Variants in MLLT10 observed in about 807,000 individuals in gnomAD.
The protein encoded by MLLT10 is MLLT10 histone lysine methyltransferase DOT1L cofactor.
MLLT10 carries 30 observed loss-of-function variants against 129.1 expected under a neutral mutation model. The ratio of observed to expected loss-of-function variants is 0.23; its 90% CI spans 0.17 to 0.32. MLLT10 has a LOEUF of 0.32. Among genes scored for constraint, MLLT10 ranks in the 10% least tolerant of loss-of-function variants. The pLI, the probability that MLLT10 is intolerant of heterozygous loss-of-function variation, is 1.00. For synonymous variants in MLLT10, 490 were observed against 446.4 expected, an observed-to-expected ratio of 1.10 and a Z score of -1.23; for missense variants, 1,119 against 1,268.3, an observed-to-expected ratio of 0.88 and a Z score of 1.79.
At chr10:21,548,347 T>G (rs919181872) in intron 3 of MLLT10, among the ~76,000 whole-genome samples, 2 of 152,040 alleles carry the variant, frequency 1.3e-5, no homozygotes, top group Non-Finnish European at 2.9e-5. Context: ...TCATGTCTTT[T>G]AATTTGTCTT....
At position 21,673,368 on chromosome 10, in the gene MLLT10, C is replaced by T; in HGVS notation, c.1070C>T (p.Pro357Leu). Residue 357 changes from proline (P) to leucine (L), a missense_variant, in exon 11 of 23, where the codon CCA (proline) becomes CTA (leucine). Pro to Leu is a moderately conservative substitution (Grantham distance 98, BLOSUM62 -3). Coordinates refer to ENST00000307729, the MANE Select transcript of MLLT10 (RefSeq NM_001195626.3). Reference protein sequence around the residue: ...PFPQGSFSGTPGSVKSSSGSS... With the variant: ...PFPQGSFSGTLGSVKSSSGSS... The stretch of plus-strand genomic sequence containing the variant: ...ACTACAGGCAGTTTTTCAGGAACTC[C>T]AGGCAGTGTAAAGTCATCTTCTGGA... 1 of 1,223,310 alleles carries T rather than the reference C, an allele frequency of 8.2e-7. No homozygotes were observed. Among genetic ancestry groups the T allele is most frequent in the Admixed American group, 3.5e-5 (1 of 28,748 alleles). The allele number at this position is 1,223,310 out of a possible 1,614,324, so 75.8% of individuals were successfully genotyped here.
intron 3 of MLLT10, among the ~76,000 whole-genome samples, chr10:21,548,295 C>A (rs1057324945): frequency 2.0e-5 from 3 of 151,314 alleles, no homozygotes; most frequent in African/African-American, 7.3e-5. Context: ...TTTTCTTTTC[C>A]TAGAACTGTT....
At chr10:21,711,116 A>G (rs1193528785) in intron 13 of MLLT10, among the ~76,000 whole-genome samples, 1 of 152,190 alleles carries the variant, frequency 6.6e-6, no homozygotes, top group East Asian at 1.9e-4. Flanking sequence ...TCTGTACTGC[A>G]GCCCCTTTAG....
intron 8 of MLLT10, among the ~76,000 whole-genome samples, chr10:21,649,294 C>T (rs2048798542): frequency 6.6e-6 from 1 of 152,098 alleles, no homozygotes; most frequent in South Asian, 2.1e-4. Flanking sequence ...ACAGGCTGGC[C>T]TTGAACTCCT....
chr10:21,673,301 T>C (rs536462708), intron 10 of MLLT10, 49 bp from the exon 11 acceptor site: 214 of 240,468 alleles, frequency 8.9e-4, no homozygotes, highest in African/African-American at 6.8e-3. Flanking sequence ...AATTTTTCTG[T>C]CCCCCCCACC....
intron 3 of MLLT10, among the ~76,000 whole-genome samples, chr10:21,585,591 G>A (rs2041911657): frequency 6.6e-6 from 1 of 152,154 alleles, no homozygotes; most frequent in South Asian, 2.1e-4. Flanking sequence ...GACGGCAGTC[G>A]TCCTAGCTGA....
At position 21,556,205 on chromosome 10, in the gene MLLT10, C is replaced by T. The variant is rs191846358; in HGVS notation, c.240+17293C>T. Among the ~76,000 whole-genome samples the T allele has an allele frequency of 3.4e-4, 52 of 152,146 alleles. 1 individual carries two copies. The East Asian group carries it at 6.4e-3, about 19-fold the overall frequency. Reference sequence around the variant, plus strand: ...TGGCCAGGCTGGTCTCAGGGTGGTCCGCCCTCCTCGGCCTCCCAAAGTGCT... The same window carrying T: ...TGGCCAGGCTGGTCTCAGGGTGGTCTGCCCTCCTCGGCCTCCCAAAGTGCT... On this transcript the variant is annotated intron_variant, in intron 3 of 22. Transcript: ENST00000307729.
intron 8 of MLLT10, chr10:21,626,199 G>T (rs1032991966): frequency 2.8e-5 from 45 of 1,601,828 alleles, no homozygotes; most frequent in Non-Finnish European, 6.8e-6. Flanking sequence ...TCCTTGAACT[G>T]CTGTAGTACA....
intron 8 of MLLT10, among the ~76,000 whole-genome samples, chr10:21,617,897 C>T (rs1464926057): frequency 6.6e-6 from 1 of 152,086 alleles, no homozygotes; most frequent in Non-Finnish European, 1.5e-5. Flanking sequence ...GTGGTGGGCG[C>T]CTGTAGTCCC....
In MLLT10 at chr10:21,685,738, C is replaced by G. The variant is rs1248631034; in HGVS notation, c.1699+3481C>G. On this transcript the variant is annotated intron_variant, in intron 13 of 22. Coordinates refer to ENST00000307729, the MANE Select transcript of MLLT10 (RefSeq NM_001195626.3). ...CAACTCTATTACTTTAGCAAAGAAC[C>G]AAGTTACTATACTGAAAGAAACAAG... Among the ~76,000 whole-genome samples the G allele has an allele frequency of 3.3e-5, 5 of 152,220 alleles. No homozygotes were observed. In the East Asian group the frequency reaches 9.6e-4, roughly 29 times the overall value.
chr10:21,689,721 A>G (rs2053675731), intron 13 of MLLT10, among the ~76,000 whole-genome samples: 1 of 149,804 alleles, frequency 6.7e-6, no homozygotes, highest in Non-Finnish European at 1.5e-5. Context: ...GAAAAATAAC[A>G]ACATTAGCTA....
At chr10:21,697,910 T>A (rs2131460221) in intron 13 of MLLT10, among the ~76,000 whole-genome samples, 1 of 152,226 alleles carries the variant, frequency 6.6e-6, no homozygotes, top group East Asian at 1.9e-4. Flanking sequence ...TTAAAGATGC[T>A]TGCTTATTTA....
intron 13 of MLLT10, among the ~76,000 whole-genome samples, chr10:21,692,321 A>ATATTAT (rs149552027): frequency 1.2e-3 from 185 of 150,710 alleles, no homozygotes; most frequent in East Asian, 5.2e-3. Context: ...CACAATGGTT[A>ATATTAT]TATTATTATT....
rs1442382896 is a variant in MLLT10, at chr10:21,689,567, A to ATATATATATATATATATG, written c.1699+7327_1699+7328insGTATATATATATATATAT. 3.2e-4 allele frequency among the ~76,000 whole-genome samples: 19 copies of ATATATATATATATATATG among 60,316 alleles called. 1 individual carries two copies. Among genetic ancestry groups the ATATATATATATATATATG allele is most frequent in the Non-Finnish European group, 6.6e-4 (18 of 27,124 alleles). 39.6% of individuals were successfully genotyped at this position (60,316 alleles called of 152,430 possible). ...AAGTAATATATATATATATATATGTATATATATATATATATATATATAGCG... is the reference window on the plus strand; with the variant it reads ...AAGTAATATATATATATATATATGTATATATATATATATATATGTATATATATATATATATATATAGCG... On this transcript the variant is annotated intron_variant, in intron 13 of 22. Transcript: ENST00000307729.
At chr10:21,642,960 A>T (rs969877540) in intron 8 of MLLT10, among the ~76,000 whole-genome samples, 2 of 152,194 alleles carry the variant, frequency 1.3e-5, no homozygotes, top group Admixed American at 6.5e-5. Context: ...TTGAGCTCCT[A>T]CAGTGAAGGC....
At chr10:21,664,939 C>CTTTTTT (rs2050601050) in intron 9 of MLLT10, among the ~76,000 whole-genome samples, 1 of 133,384 alleles carries the variant, frequency 7.5e-6, no homozygotes, top group African/African-American at 2.8e-5. Context: ...CTTCTTTTTT[C>CTTTTTT]TTTTCTTTTT....
intron 5 of MLLT10, among the ~76,000 whole-genome samples, chr10:21,595,917 T>A: frequency 6.6e-6 from 1 of 152,020 alleles, no homozygotes; most frequent in African/African-American, 2.4e-5. Flanking sequence ...AAAAAAAAAG[T>A]TTGCTTTTTT....
chr10:21,712,639 C>T (rs1030517015), intron 13 of MLLT10, among the ~76,000 whole-genome samples: 4 of 152,180 alleles, frequency 2.6e-5, no homozygotes, highest in African/African-American at 4.8e-5. Flanking sequence ...CAAGTTTTCT[C>T]GGCCTCCACA....
At chr10:21,693,308 A>G (rs2054052535) in intron 13 of MLLT10, among the ~76,000 whole-genome samples, 1 of 152,194 alleles carries the variant, frequency 6.6e-6, no homozygotes, top group Non-Finnish European at 1.5e-5. Flanking sequence ...TAATATGTAT[A>G]CATTTAACTC....
Sources: allele counts gnomAD v4.1 joint callset (sites outside exome capture counted in the v4.1 genomes callset), GRCh38; gene constraint gnomAD v4.1.1; transcripts MANE v1.5; gene names NCBI Gene and HGNC (gene_info 2026-07-23, HGNC 2026-07-21).